A4GALT: variants seen among roughly 807,000 people sequenced by gnomAD.
A4GALT encodes lactosylceramide 4-alpha-galactosyltransferase.
For synonymous variants in A4GALT, 257 were observed against 220.7 expected (o/e 1.16, Z -1.46); for missense variants, 512 against 486.0 (o/e 1.05, Z -0.50).
intron 1 of A4GALT, among the ~76,000 whole-genome samples, chr22:42,706,408 G>T (rs1429769781): frequency 7.4e-6 from 1 of 135,288 alleles, no homozygotes; most frequent in Non-Finnish European, 1.6e-5. Flanking sequence ...AGGAGAAAAA[G>T]ATTTTTAGAT....
chr22:42,702,303 C>G (rs969858280), intron 1 of A4GALT, among the ~76,000 whole-genome samples: 1 of 150,976 alleles, frequency 6.6e-6, no homozygotes, highest in Admixed American at 6.6e-5. Context: ...TGTCCCCCCC[C>G]GGAAAAAGGG....
At position 42,692,498 on chromosome 22, in the gene A4GALT, C is replaced by T. The variant is rs1028049296; in HGVS notation, c.*392G>A. ...GCCACTTTCCTACCAACAGCCTCCT[C>T]TCCTCTCTGGGAATCTTGTCCCTTC... On this transcript the variant is annotated 3_prime_UTR_variant, in exon 3 of 3. Coordinates refer to ENST00000642412, the MANE Select transcript of A4GALT (RefSeq NM_017436.7). The surrounding 1 kb of genome is among the most constrained non-coding windows in gnomAD (Gnocchi z 4.6). 8.1e-6 allele frequency: 3 copies of T among 372,230 alleles called. No individual in the cohort carries two copies. Among genetic ancestry groups the T allele is most frequent in the South Asian group, 2.0e-5 (1 of 49,334 alleles). 23.1% of individuals were successfully genotyped at this position (372,230 alleles called of 1,614,324 possible). A position where few individuals can be genotyped will look rare whatever the true frequency, so the allele number is the denominator to read the frequency against.
chr22:42,709,067 A>ATATATTTTTT (rs1180529043), intron 1 of A4GALT, among the ~76,000 whole-genome samples: 7 of 128,806 alleles, frequency 5.4e-5, no homozygotes, highest in African/African-American at 8.4e-5. Flanking sequence ...ATATATATAT[A>ATATATTTTTT]TTTTTTTTAA....
intron 1 of A4GALT, among the ~76,000 whole-genome samples, chr22:42,705,292 G>C (rs914743026): frequency 3.3e-5 from 5 of 152,138 alleles, no homozygotes; most frequent in African/African-American, 1.2e-4. Flanking sequence ...TATATATAAA[G>C]AAAATTCACT....
intron 1 of A4GALT, among the ~76,000 whole-genome samples, chr22:42,713,810 C>CAAAAA (rs35353035): frequency 1.1e-5 from 1 of 93,156 alleles, no homozygotes; most frequent in Non-Finnish European, 2.2e-5. Context: ...GAAACTCTGT[C>CAAAAA]AAAAAAAAAA....
intron 1 of A4GALT, among the ~76,000 whole-genome samples, chr22:42,716,371 A>G (rs1214570077): frequency 6.6e-6 from 1 of 152,138 alleles, no homozygotes; most frequent in Non-Finnish European, 1.5e-5. Context: ...ACATTTATTA[A>G]AAGCTCACTG....
intron 1 of A4GALT, among the ~76,000 whole-genome samples, chr22:42,704,535 G>T (rs992602529): frequency 2.0e-5 from 3 of 151,572 alleles, no homozygotes; most frequent in African/African-American, 7.3e-5. Context: ...AAGAAGGGCT[G>T]AAGGGCTGTT....
At chr22:42,707,248 T>C (rs1277450104) in intron 1 of A4GALT, among the ~76,000 whole-genome samples, 3 of 152,026 alleles carry the variant, frequency 2.0e-5, no homozygotes, top group Admixed American at 2.0e-4. Flanking sequence ...GTCAATAACA[T>C]CCAAAAAATA....
intron 1 of A4GALT, among the ~76,000 whole-genome samples, chr22:42,697,739 C>T (rs771630724): frequency 5.3e-5 from 8 of 152,150 alleles, no homozygotes; most frequent in Non-Finnish European, 1.0e-4. Context: ...AGACGGGCCT[C>T]GCAGTTGCAG....
At chr22:42,705,091 A>G (rs1252907850) in intron 1 of A4GALT, among the ~76,000 whole-genome samples, 1 of 152,146 alleles carries the variant, frequency 6.6e-6, no homozygotes, top group Non-Finnish European at 1.5e-5. Context: ...AGCACAACCC[A>G]TTACCATGGC....
rs28992184 is a variant in A4GALT at position 42,712,134 on chromosome 22, C to T, written c.-188+8663G>A. Reference sequence around the variant, plus strand: ...AAAGTACCTGACTACTTGCCAGTCCCAAGAGCGCCTTTCTTCCTTCCCTGA... The same window carrying T: ...AAAGTACCTGACTACTTGCCAGTCCTAAGAGCGCCTTTCTTCCTTCCCTGA... On this transcript the variant is annotated intron_variant, in intron 1 of 2. Coordinates refer to ENST00000642412, the MANE Select transcript of A4GALT (RefSeq NM_017436.7). 7.2e-3 allele frequency among the ~76,000 whole-genome samples: 1,099 copies of T among 152,296 alleles called. 8 individuals carry two copies. The highest frequency in any genetic ancestry group is 0.022 in the African/African-American group (895 of 41,570).
chr22:42,707,359 A>G (rs906619194), intron 1 of A4GALT, among the ~76,000 whole-genome samples: 7 of 152,194 alleles, frequency 4.6e-5, no homozygotes, highest in African/African-American at 1.7e-4. Flanking sequence ...GCAAATAAAA[A>G]TAATAAAAAC....
chr22:42,698,245 T>C (rs1284685287), intron 1 of A4GALT, among the ~76,000 whole-genome samples: 1 of 34,570 alleles, frequency 2.9e-5, no homozygotes, highest in Non-Finnish European at 5.5e-5. Flanking sequence ...AGACTCCGTC[T>C]CAAAAAAAAA....
At chr22:42,698,747 G>T (rs1008879596) in intron 1 of A4GALT, among the ~76,000 whole-genome samples, 1 of 152,174 alleles carries the variant, frequency 6.6e-6, no homozygotes, top group Non-Finnish European at 1.5e-5. Flanking sequence ...TCCCAGACGG[G>T]TAAGGCATTC....
At chr22:42,716,610 T>C (rs1260094168) in intron 1 of A4GALT, among the ~76,000 whole-genome samples, 1 of 151,748 alleles carries the variant, frequency 6.6e-6, no homozygotes, top group East Asian at 1.9e-4. Flanking sequence ...GGGAAAGGGG[T>C]CTGTCTACCT....
At chr22:42,694,066 T>A in intron 2 of A4GALT, 69 bp from the exon 3 acceptor site, 1 of 974,994 alleles carries the variant, frequency 1.0e-6, no homozygotes, top group Non-Finnish European at 1.5e-6. Context: ...AAACGCTTCC[T>A]GTGAACATCA....
chr22:42,702,871 AGC>A (rs1425810817), intron 1 of A4GALT, among the ~76,000 whole-genome samples: 1 of 143,992 alleles, frequency 6.9e-6, no homozygotes, highest in East Asian at 1.9e-4. Flanking sequence ...GTCTTAGCTC[AGC>A]CTGACCCCCA....
rs142831133 is a variant in A4GALT at position 42,707,654 on chromosome 22, T to C, written c.-187-12023A>G. ...CTGAATGACTGAGTGAGAGACTCTT[T>C]CTCAAAATATAACACCACCACCACC... On this transcript the variant is annotated intron_variant, in intron 1 of 2. Transcript: ENST00000642412. Among the ~76,000 whole-genome samples the C allele has an allele frequency of 4.6e-5, 7 of 152,192 alleles. No homozygotes were observed. In the East Asian group the frequency reaches 1.2e-3, roughly 25 times the overall value.
chr22:42,708,604 T>C (rs1012076491), intron 1 of A4GALT, among the ~76,000 whole-genome samples: 1 of 93,256 alleles, frequency 1.1e-5, no homozygotes. Context: ...AGAAATCAAT[T>C]AGGGAAGAAA....
Sources: allele counts gnomAD v4.1 joint callset (sites outside exome capture counted in the v4.1 genomes callset), GRCh38; gene constraint gnomAD v4.1.1; non-coding constraint Gnocchi (gnomAD v3.1); transcripts MANE v1.5; gene names NCBI Gene and HGNC (gene_info 2026-07-23, HGNC 2026-07-21).